Variants in METTL2B observed in about 807,000 individuals in gnomAD.
The protein encoded by METTL2B is methyltransferase 2B, tRNA N3-cytidine.
Under a neutral mutation model 51.0 loss-of-function variants are expected in METTL2B, and 28 were observed. The observed-to-expected ratio is 0.55, with a 90% CI of 0.41 to 0.75. The LOEUF is 0.75. Among genes scored for constraint, METTL2B ranks in the 30% least tolerant of loss-of-function variants. The pLI is 0.00. For missense variants in METTL2B, 313 were observed against 460.7 expected (o/e 0.68, Z 2.93); for synonymous variants, 128 against 166.3 (o/e 0.77, Z 1.77).
Position 128,501,279 on chromosome 7 carries a change from C to T in METTL2B, c.982+311C>T, listed in dbSNP as rs1355360206. 20 of 985,330 alleles carry T rather than the reference C, an allele frequency of 2.0e-5. No individual in the cohort carries two copies. The East Asian group carries it at 3.4e-4, about 17-fold the overall frequency. The allele number at this position is 985,330 out of a possible 1,614,324, so 61.0% of individuals were successfully genotyped here. On this transcript the variant is annotated intron_variant, in intron 8 of 8. Coordinates refer to ENST00000262432, the MANE Select transcript of METTL2B (RefSeq NM_018396.3). ...AGTCCAGCCTGTCTCACCCTCTACA[C>T]GGGGTTGTGCTTTGGTGTGCCTGGG...
chr7:128,486,419 G>A (rs1259301298), intron 4 of METTL2B, among the ~76,000 whole-genome samples: 1 of 152,038 alleles, frequency 6.6e-6, no homozygotes, highest in Non-Finnish European at 1.5e-5. Context: ...AGTCAACATG[G>A]TGAAACCCTG....
chr7:128,497,474 GTTGT>G (rs533804146), intron 6 of METTL2B, among the ~76,000 whole-genome samples: 31 of 152,188 alleles, frequency 2.0e-4, no homozygotes, highest in Middle Eastern at 3.4e-3. Context: ...GCAGAGAACT[GTTGT>G]TTGTTTGTTT....
chr7:128,496,983 A>G (rs1400622418), intron 6 of METTL2B, among the ~76,000 whole-genome samples: 1 of 151,916 alleles, frequency 6.6e-6, no homozygotes, highest in Non-Finnish European at 1.5e-5. Flanking sequence ...GGGTTTCACC[A>G]TGTTGGTCTG....
In METTL2B at chr7:128,500,946, C is replaced by T. The variant is rs779487151; in HGVS notation, c.960C>T (p.Thr320=). 2.5e-6 allele frequency: 4 copies of T among 1,614,182 alleles called. No homozygotes were observed. Among genetic ancestry groups the T allele is most frequent in the African/African-American group, 2.7e-5 (2 of 75,068 alleles). The stretch of plus-strand genomic sequence containing the variant: ...ATTTCTATGTGAGAGGTGATGGAAC[C>T]AGAGTTTACTTCTTCACACAAGGTA... ...SGNFYVRGDG[T]RVYFFTQEEL... The change falls in exon 8 of 9, where the codon ACC becomes ACT. Residue 320 remains threonine (T), a synonymous_variant. Coordinates refer to ENST00000262432, the MANE Select transcript of METTL2B (RefSeq NM_018396.3).
chr7:128,500,254 C>T (rs1391337950), intron 7 of METTL2B, among the ~76,000 whole-genome samples: 1 of 152,092 alleles, frequency 6.6e-6, no homozygotes, highest in Non-Finnish European at 1.5e-5. Flanking sequence ...AAGAGACATG[C>T]AAAGGACAGT....
At chr7:128,491,590 A>C (rs1461836970) in intron 5 of METTL2B, among the ~76,000 whole-genome samples, 1 of 147,564 alleles carries the variant, frequency 6.8e-6, no homozygotes, top group African/African-American at 2.5e-5. Context: ...GCGAAACTCT[A>C]TCTCAAAAAA....
intron 4 of METTL2B, among the ~76,000 whole-genome samples, chr7:128,484,636 G>A (rs1260967693): frequency 5.3e-5 from 8 of 151,494 alleles, no homozygotes; most frequent in Non-Finnish European, 1.0e-4. Flanking sequence ...CCTGTCGCCC[G>A]GGCTGGAGTG....
intron 3 of METTL2B, among the ~76,000 whole-genome samples, chr7:128,480,019 C>T (rs1356914150): frequency 6.6e-6 from 1 of 152,176 alleles, no homozygotes; most frequent in Non-Finnish European, 1.5e-5. Flanking sequence ...AATGTAAATT[C>T]ATAAATGGGG....
rs73721399 is a variant in METTL2B, at chr7:128,501,360, C to A, written c.982+392C>A. On this transcript the variant is annotated intron_variant, in intron 8 of 8. Coordinates refer to ENST00000262432, the MANE Select transcript of METTL2B (RefSeq NM_018396.3). ...GGGAACTGCTCTCCTCTGCAACTGG[C>A]CCATCCACAGGCTTCATCCTTCACT... 8.8e-4 allele frequency: 871 copies of A among 985,444 alleles called. 3 individuals carry two copies. In the African/African-American group the frequency reaches 0.014, roughly 16 times the overall value. 61.0% of individuals were successfully genotyped at this position (985,444 alleles called of 1,614,324 possible).
intron 4 of METTL2B, chr7:128,482,985 A>T (rs1232161309): frequency 6.6e-6 from 1 of 152,252 alleles, no homozygotes; most frequent in African/African-American, 2.4e-5. Flanking sequence ...CATTAGCCTC[A>T]TTACTAATAT....
Position 128,479,261 on chromosome 7 carries a change from G to A in METTL2B, c.306G>A (p.Glu102=), listed in dbSNP as rs143161904. 2.6e-5 allele frequency: 42 copies of A among 1,614,104 alleles called. No homozygotes were observed. Among genetic ancestry groups the A allele is most frequent in the Non-Finnish European group, 3.3e-5 (39 of 1,180,050 alleles). ...ATTGGCTTTTTACCGAATTCCCTGAGCTGGCACCTAGCCAAAATCAAAATC... is the reference window on the plus strand; with the variant it reads ...ATTGGCTTTTTACCGAATTCCCTGAACTGGCACCTAGCCAAAATCAAAATC... ...DRHWLFTEFP[E]LAPSQNQNHL... The change falls in exon 3 of 9, where the codon GAG becomes GAA. Residue 102 remains glutamate, a synonymous_variant. Coordinates refer to ENST00000262432, the MANE Select transcript of METTL2B (RefSeq NM_018396.3).
At chr7:128,482,100 G>A (rs1799879098) in intron 4 of METTL2B, among the ~76,000 whole-genome samples, 2 of 152,132 alleles carry the variant, frequency 1.3e-5, no homozygotes, top group African/African-American at 4.8e-5. Context: ...TACTAGTGTT[G>A]GCCCCACCCC....
chr7:128,489,990 A>G (rs1314979779), intron 5 of METTL2B, among the ~76,000 whole-genome samples: 1 of 152,168 alleles, frequency 6.6e-6, no homozygotes, highest in Non-Finnish European at 1.5e-5. Flanking sequence ...TCCTTTCATG[A>G]AAGATTTCTC....
rs371511647 is a variant in METTL2B at position 128,501,171 on chromosome 7, T to A, written c.982+203T>A. The A allele has an allele frequency of 5.5e-4, 538 of 985,448 alleles. 2 individuals carry two copies. The African/African-American group carries it at 9.0e-3, about 17-fold the overall frequency. 61.0% of individuals were successfully genotyped at this position (985,448 alleles called of 1,614,324 possible). A position where few individuals can be genotyped will look rare whatever the true frequency, so the allele number is the denominator to read the frequency against. On this transcript the variant is annotated intron_variant, in intron 8 of 8. Coordinates refer to ENST00000262432, the MANE Select transcript of METTL2B (RefSeq NM_018396.3). Reference sequence around the variant, plus strand: ...CGGGCCCCCAGGCAGCCCTGGCTTGTCCATGCCTTCAGTCCTGCTCTGCTC... The same window carrying A: ...CGGGCCCCCAGGCAGCCCTGGCTTGACCATGCCTTCAGTCCTGCTCTGCTC...
At chr7:128,488,215 G>T in intron 5 of METTL2B, 54 bp downstream of exon 5, 6 of 1,581,214 alleles carry the variant, frequency 3.8e-6, no homozygotes, top group South Asian at 1.1e-5. Flanking sequence ...AAAGGGAAAA[G>T]GTTCTCCTAA....
chr7:128,494,681 A>G (rs1280927339), intron 6 of METTL2B, among the ~76,000 whole-genome samples: 2 of 151,898 alleles, frequency 1.3e-5, no homozygotes, highest in African/African-American at 4.8e-5. Context: ...GGGCTGGAAT[A>G]CAATGGCGTG....
chr7:128,480,161 G>A (rs1249171295), intron 3 of METTL2B, among the ~76,000 whole-genome samples: 2 of 152,174 alleles, frequency 1.3e-5, no homozygotes, highest in South Asian at 4.1e-4. Context: ...ATACTTATGA[G>A]GATGGAGATA....
chr7:128,492,245 C>T (rs1792847171), intron 5 of METTL2B, among the ~76,000 whole-genome samples: 1 of 151,914 alleles, frequency 6.6e-6, no homozygotes, highest in Admixed American at 6.6e-5. Flanking sequence ...CAACCTCCGC[C>T]TCCCAGGTTC....
At chr7:128,477,921 CAT>C in intron 2 of METTL2B, 1 of 441,738 alleles carries the variant, frequency 2.3e-6, no homozygotes, top group Non-Finnish European at 4.6e-6. Flanking sequence ...TTTTGAAAAT[CAT>C]GTGGTTCAAT....
Sources: allele counts gnomAD v4.1 joint callset (sites outside exome capture counted in the v4.1 genomes callset), GRCh38; gene constraint gnomAD v4.1.1; transcripts MANE v1.5; gene names NCBI Gene and HGNC (gene_info 2026-07-23, HGNC 2026-07-21).